Variants in ARIH2 observed in about 807,000 individuals in gnomAD.
ARIH2 encodes ariadne RBR E3 ubiquitin protein ligase 2.
A neutral mutation model predicts 79.8 loss-of-function variants in ARIH2; 12 were observed. The ratio of observed to expected loss-of-function variants is 0.15; its 90% CI spans 0.10 to 0.24. The LOEUF (loss-of-function observed/expected upper bound fraction) is 0.24. ARIH2 is among the 10% of genes least tolerant of loss of function. ARIH2 has a pLI of 1.00. For missense variants in ARIH2, 301 were observed against 618.3 expected, an observed-to-expected ratio of 0.49 and a Z score of 5.44; for synonymous variants, 224 against 213.9, an observed-to-expected ratio of 1.05 and a Z score of -0.41.
chr3:48,958,101 T>A (rs910444519), intron 3 of ARIH2, among the ~76,000 whole-genome samples: 34 of 152,236 alleles, frequency 2.2e-4, no homozygotes, highest in Middle Eastern at 3.4e-3. Context: ...TGCAGGAGGA[T>A]CACTTGAGAC....
chr3:48,918,933 CCCTCTGGCCCGG>C lies in ARIH2; in HGVS notation c.-223_-212del. 1 of 1,585,578 alleles carries C rather than the reference CCCTCTGGCCCGG, an allele frequency of 6.3e-7. No homozygotes were observed. Among genetic ancestry groups the C allele is most frequent in the Non-Finnish European group, 8.5e-7 (1 of 1,171,088 alleles). On this transcript the variant is annotated 5_prime_UTR_variant, in exon 1 of 16. Transcript: ENST00000356401. ...CGCTGCCGCTTCGCCCCAATCCGGT[CCCTCTGGCCCGG>C]CCTGACCCGGTCTGGCTTGTTCGGG...
chr3:48,923,770 C>T (rs892546411), intron 2 of ARIH2, among the ~76,000 whole-genome samples: 6 of 152,124 alleles, frequency 3.9e-5, no homozygotes, highest in Admixed American at 3.9e-4. Flanking sequence ...ATCCACCCGC[C>T]TCGGCCTCCC....
intron 3 of ARIH2, among the ~76,000 whole-genome samples, chr3:48,953,601 C>T (rs1457327571): frequency 6.6e-6 from 1 of 151,712 alleles, no homozygotes; most frequent in Non-Finnish European, 1.5e-5. Context: ...CGGGGTTTCA[C>T]CGTGTCAGCC....
chr3:48,959,649 C>CAAAAAAAAAAAAAAAAAAAAA (rs71077758), intron 3 of ARIH2, among the ~76,000 whole-genome samples: 14 of 50,116 alleles, frequency 2.8e-4, no homozygotes, highest in East Asian at 7.3e-4. Context: ...TAAAAAATAC[C>CAAAAAAAAAAAAAAAAAAAAA]AAAAAAAAAA....
chr3:48,930,366 C>A (rs1305305774), intron 3 of ARIH2, among the ~76,000 whole-genome samples: 2 of 151,940 alleles, frequency 1.3e-5, no homozygotes, highest in Non-Finnish European at 2.9e-5. Context: ...TCCTGTAGTC[C>A]CAGCTACTCA....
chr3:48,981,016 CAAAAAAAAAAAA>C (rs34533467), intron 13 of ARIH2, among the ~76,000 whole-genome samples: 23 of 30,142 alleles, frequency 7.6e-4, no homozygotes, highest in Admixed American at 7.3e-3. Context: ...GCAAGACTGT[CAAAAAAAAAAAA>C]AAAAAAAAAA....
intron 3 of ARIH2, among the ~76,000 whole-genome samples, chr3:48,933,797 C>T (rs535222331): frequency 5.1e-4 from 77 of 151,874 alleles, no homozygotes; most frequent in Non-Finnish European, 1.0e-3. Flanking sequence ...ATGATCCACC[C>T]GCCTCAGCCT....
chr3:48,959,630 C>T lies in ARIH2; in HGVS notation c.256-1982C>T, dbSNP rs139692003. Among the ~76,000 whole-genome samples the T allele has an allele frequency of 3.3e-3, 419 of 126,816 alleles. 7 individuals are homozygous for T. The highest frequency in any genetic ancestry group is 0.013 in the African/African-American group (396 of 31,416). 83.2% of individuals were successfully genotyped at this position (126,816 alleles called of 152,430 possible). ...CATTCTGGCTAACATGGTGAAACCC[C>T]GTCTCTACTAAAAAATACCAAAAAA... On this transcript the variant is annotated intron_variant, in intron 3 of 15. Coordinates refer to ENST00000356401, the MANE Select transcript of ARIH2 (RefSeq NM_006321.4).
chr3:48,928,573 G>A (rs2085946971), intron 3 of ARIH2, among the ~76,000 whole-genome samples: 1 of 152,036 alleles, frequency 6.6e-6, no homozygotes, highest in African/African-American at 2.4e-5. Flanking sequence ...CTTTTTTCAT[G>A]AATTGTTACT....
At chr3:48,923,766 C>T (rs2085174282) in intron 2 of ARIH2, among the ~76,000 whole-genome samples, 2 of 152,090 alleles carry the variant, frequency 1.3e-5, no homozygotes, top group Non-Finnish European at 2.9e-5. Context: ...GGTGATCCAC[C>T]CGCCTCGGCC....
chr3:48,971,887 T>C (rs1053016260), intron 8 of ARIH2, among the ~76,000 whole-genome samples: 4 of 152,222 alleles, frequency 2.6e-5, no homozygotes, highest in African/African-American at 9.6e-5. Context: ...CTGAGGGCCT[T>C]TTCTAGCCAC....
chr3:48,922,729 A>G lies in ARIH2; in HGVS notation c.-161-19A>G, dbSNP rs930568602. The G allele has an allele frequency of 2.6e-5, 4 of 152,190 alleles. No individual in the cohort carries two copies. The highest frequency in any genetic ancestry group is 4.4e-5 in the Non-Finnish European group (3 of 68,036). The allele number at this position is 152,190 out of a possible 1,614,324, so 9.4% of individuals were successfully genotyped here. A position where few individuals can be genotyped will look rare whatever the true frequency, so the allele number is the denominator to read the frequency against. ...GTATACCAGCTTTAAAAATATAAAT[A>G]TAATTCTTTTCATTTTAGATGGAAA... is the stretch of plus-strand genomic sequence containing the variant. On this transcript the variant is annotated intron_variant, in intron 1 of 15. Transcript: ENST00000356401.
intron 3 of ARIH2, among the ~76,000 whole-genome samples, chr3:48,929,801 A>G (rs1486586700): frequency 6.6e-6 from 1 of 152,212 alleles, no homozygotes; most frequent in Non-Finnish European, 1.5e-5. Context: ...TGTTGGTGAT[A>G]GTAGCAGCTG....
intron 3 of ARIH2, among the ~76,000 whole-genome samples, chr3:48,948,115 C>T (rs1268924771): frequency 1.3e-5 from 2 of 152,042 alleles, no homozygotes; most frequent in Admixed American, 6.6e-5. Context: ...CGCCCACCAC[C>T]ACGCCTGGCT....
At chr3:48,968,027 T>G (rs372458937) in intron 6 of ARIH2, 72 of 154,168 alleles carry the variant, frequency 4.7e-4, no homozygotes, top group South Asian at 2.0e-3. Context: ...TTTGTTTTTT[T>G]TTTGTTTGTT....
intron 2 of ARIH2, among the ~76,000 whole-genome samples, chr3:48,923,813 G>A (rs771024100): frequency 2.4e-4 from 37 of 152,006 alleles, no homozygotes; most frequent in Non-Finnish European, 3.5e-4. Flanking sequence ...GAGCCACCGC[G>A]CCTCGCCAAT....
At chr3:48,960,275 T>G (rs1189035264) in intron 3 of ARIH2, among the ~76,000 whole-genome samples, 2 of 152,130 alleles carry the variant, frequency 1.3e-5, no homozygotes, top group Admixed American at 6.5e-5. Context: ...TATTTGCTTC[T>G]TTAACCTAAC....
intron 3 of ARIH2, among the ~76,000 whole-genome samples, chr3:48,944,654 CTTAAA>C (rs2088856787): frequency 1.3e-5 from 2 of 152,126 alleles, no homozygotes; most frequent in African/African-American, 4.8e-5. Flanking sequence ...AATCCTACCA[CTTAAA>C]TTAGATTCAG....
At chr3:48,979,408 TCTCA>T in intron 11 of ARIH2, 70 bp from the exon 12 acceptor site, 1 of 1,530,512 alleles carries the variant, frequency 6.5e-7, no homozygotes, top group Non-Finnish European at 8.9e-7. Flanking sequence ...GGTCTGTCTG[TCTCA>T]CTCCTCTGCC....
Sources: allele counts gnomAD v4.1 joint callset (sites outside exome capture counted in the v4.1 genomes callset), GRCh38; gene constraint gnomAD v4.1.1; transcripts MANE v1.5; gene names NCBI Gene and HGNC (gene_info 2026-07-23, HGNC 2026-07-21).